Variants in ALMS1 observed in about 807,000 individuals in gnomAD.
The protein encoded by ALMS1 is centrosome-associated protein ALMS1.
A neutral mutation model predicts 352.2 loss-of-function variants in ALMS1; 271 were observed. That is an observed-to-expected ratio of 0.77 (90% CI 0.70 to 0.85). The LOEUF (loss-of-function observed/expected upper bound fraction) is 0.85, where lower values mean the gene tolerates loss of function less well. Ranked by LOEUF, ALMS1 falls within the 40% of genes least tolerant of loss-of-function variation. The pLI is 0.00. For synonymous variants in ALMS1, 1,865 were observed against 1,761.2 expected (o/e 1.06, Z -1.48); for missense variants, 5,445 against 4,870.7 (o/e 1.12, Z -3.51).
chr2:73,563,737 AAAATAAAAAT>A lies in ALMS1; in HGVS notation c.10384+4599_10384+4608del, dbSNP rs1455482925. 2.8e-4 allele frequency among the ~76,000 whole-genome samples: 36 copies of A among 129,424 alleles called. 1 individual carries two copies. Among genetic ancestry groups the A allele is most frequent in the African/African-American group, 9.9e-4 (30 of 30,380 alleles). The allele number at this position is 129,424 out of a possible 152,430, so 84.9% of individuals were successfully genotyped here. A position where few individuals can be genotyped will look rare whatever the true frequency, so the allele number is the denominator to read the frequency against. On this transcript the variant is annotated intron_variant, in intron 15 of 22. Coordinates refer to ENST00000613296, the MANE Select transcript of ALMS1 (RefSeq NM_001378454.1). ...GACTCCATCTCAAAAAAAAAAAAAA[AAAATAAAAAT>A]AAAAAATGAAGGTATGGAATTATAT...
intron 1 of ALMS1, among the ~76,000 whole-genome samples, chr2:73,396,970 AG>A (rs1186150016): frequency 6.6e-6 from 1 of 152,018 alleles, no homozygotes; most frequent in African/African-American, 2.4e-5. Flanking sequence ...AAATAGTTTG[AG>A]GGCAAGTTTT....
chr2:73,601,556 A>C, intron 19 of ALMS1, 120 bp downstream of exon 19: 2 of 1,461,742 alleles, frequency 1.4e-6, no homozygotes. Flanking sequence ...CTTTTCCAGC[A>C]CCTCCGCAGT....
rs563737446 is a variant in ALMS1 at position 73,422,688 on chromosome 2, C to G, written c.647-169C>G. Among the ~76,000 whole-genome samples the G allele has an allele frequency of 2.6e-5, 4 of 152,208 alleles. No individual in the cohort carries two copies. In the East Asian group the frequency reaches 7.7e-4, roughly 29 times the overall value. ...TGTGTGTTAAGCACCTGGACCTTGT[C>G]AGACTCTCAATAAATGGTAGCTGCT... On this transcript the variant is annotated intron_variant, in intron 3 of 22. Coordinates refer to ENST00000613296, the MANE Select transcript of ALMS1 (RefSeq NM_001378454.1).
rs1455775922 is a variant in ALMS1 at position 73,491,125 on chromosome 2, T to TCTTCCAAGTTGGATAGTGGAA, written c.9170_9190dup (p.Ser3057_Thr3063dup). ...TCATATAACTCTTTGTCCCAAGACT[T>TCTTCCAAGTTGGATAGTGGAA]CTTCCAAGTTGGATAGTGGAACTTT... On this transcript the variant is annotated inframe_insertion, in exon 10 of 23. Coordinates refer to ENST00000613296, the MANE Select transcript of ALMS1 (RefSeq NM_001378454.1). 3.7e-6 allele frequency: 6 copies of TCTTCCAAGTTGGATAGTGGAA among 1,614,084 alleles called. No homozygotes were observed. Among genetic ancestry groups the TCTTCCAAGTTGGATAGTGGAA allele is most frequent in the Non-Finnish European group, 5.1e-6 (6 of 1,180,030 alleles).
intron 12 of ALMS1, among the ~76,000 whole-genome samples, chr2:73,548,876 T>C (rs760671284): frequency 5.5e-4 from 83 of 152,098 alleles, no homozygotes; most frequent in Non-Finnish European, 9.9e-4. Context: ...AACTCCACCA[T>C]TGAGAGATTT....
At chr2:73,544,421 C>T (rs1044054762) in intron 12 of ALMS1, among the ~76,000 whole-genome samples, 2 of 151,924 alleles carry the variant, frequency 1.3e-5, no homozygotes, top group Admixed American at 6.6e-5. Flanking sequence ...TGTTAAATGA[C>T]GAGTTAATGG....
At chr2:73,566,984 C>G (rs1674814170) in intron 15 of ALMS1, among the ~76,000 whole-genome samples, 1 of 152,172 alleles carries the variant, frequency 6.6e-6, no homozygotes, top group African/African-American at 2.4e-5. Flanking sequence ...ACAGAGCTTC[C>G]ATGTCCTCTC....
intron 15 of ALMS1, among the ~76,000 whole-genome samples, chr2:73,561,536 T>C (rs1674662884): frequency 1.3e-5 from 2 of 152,118 alleles, no homozygotes; most frequent in Non-Finnish European, 2.9e-5. Flanking sequence ...GCTGAAATCA[T>C]AGAAACAGAA....
intron 13 of ALMS1, among the ~76,000 whole-genome samples, chr2:73,553,676 A>G (rs1336510224): frequency 3.9e-5 from 6 of 152,238 alleles, no homozygotes; most frequent in African/African-American, 7.2e-5. Flanking sequence ...AATACTAAAT[A>G]TAAACTTAAT....
At chr2:73,531,712 A>G (rs751424690) in intron 11 of ALMS1, among the ~76,000 whole-genome samples, 99 of 152,250 alleles carry the variant, frequency 6.5e-4, no homozygotes, top group Non-Finnish European at 1.2e-3. Flanking sequence ...CTGGTAATTT[A>G]TAAGTAAAAG....
chr2:73,539,452 C>A (rs539856706), intron 12 of ALMS1, among the ~76,000 whole-genome samples: 1 of 152,050 alleles, frequency 6.6e-6, no homozygotes, highest in Admixed American at 6.6e-5. Context: ...ACTGAAAATT[C>A]TAAAAATCGG....
chr2:73,451,832 T>C lies in ALMS1; in HGVS notation c.5305T>C (p.Tyr1769His). Reference protein sequence around the residue: ...YSHTEKPNISYQQELPDSHLT... With the variant: ...YSHTEKPNISHQQELPDSHLT... ...ACATACAGAGAAGCCTAATATTTCTTACCAGCAAGAGTTGCCAGATAGTCA... is the reference window on the plus strand; with the variant it reads ...ACATACAGAGAAGCCTAATATTTCTCACCAGCAAGAGTTGCCAGATAGTCA... Residue 1769 changes from tyrosine to histidine, a missense_variant, in exon 8 of 23, where the codon TAC (tyrosine) becomes CAC (histidine). Tyr to His is a moderately conservative substitution (Grantham distance 83, BLOSUM62 2). Transcript: ENST00000613296. The C allele has an allele frequency of 6.2e-7, 1 of 1,613,898 alleles. No homozygotes were observed.
At chr2:73,471,493 C>CAAAAAAAAAAAAA (rs58688820) in intron 9 of ALMS1, among the ~76,000 whole-genome samples, 1 of 113,660 alleles carries the variant, frequency 8.8e-6, no homozygotes, top group African/African-American at 3.8e-5. Flanking sequence ...ACTCAACAGC[C>CAAAAAAAAAAAAA]AAAAAAAAAA....
intron 1 of ALMS1, among the ~76,000 whole-genome samples, chr2:73,388,118 T>G (rs910944166): frequency 1.3e-5 from 2 of 152,150 alleles, no homozygotes; most frequent in Non-Finnish European, 2.9e-5. Context: ...GGGCTAGAGA[T>G]TTCAAGTTGT....
intron 9 of ALMS1, among the ~76,000 whole-genome samples, chr2:73,487,068 G>A (rs1558665456): frequency 2.0e-5 from 3 of 152,108 alleles, no homozygotes; most frequent in African/African-American, 7.2e-5. Flanking sequence ...GAAGAGAAAA[G>A]AAAGAAAAAT....
At chr2:73,512,479 A>G (rs997591894) in intron 10 of ALMS1, among the ~76,000 whole-genome samples, 11 of 151,954 alleles carry the variant, frequency 7.2e-5, no homozygotes, top group Admixed American at 5.9e-4. Context: ...ACTACTGACA[A>G]TGAACATTTT....
At chr2:73,420,196 T>C (rs531176833) in intron 3 of ALMS1, among the ~76,000 whole-genome samples, 1 of 152,274 alleles carries the variant, frequency 6.6e-6, no homozygotes, top group Non-Finnish European at 1.5e-5. Flanking sequence ...GTAACAAATA[T>C]CTAAGTGCCT....
chr2:73,534,720 C>G (rs2103991707), intron 11 of ALMS1, 104 bp from the exon 12 acceptor site: 1 of 1,275,524 alleles, frequency 7.8e-7, no homozygotes. Context: ...CTCATAAATT[C>G]CAAAAGTCAT....
chr2:73,601,593 G>T (rs1675690495), intron 19 of ALMS1, among the ~76,000 whole-genome samples, 157 bp downstream of exon 19: 3 of 152,214 alleles, frequency 2.0e-5, no homozygotes, highest in Admixed American at 6.5e-5. Flanking sequence ...ACGAGGGTTG[G>T]GTTTCTCATC....
Sources: gnomAD v4.1 joint callset for allele counts (sites outside exome capture counted in the v4.1 genomes callset) on GRCh38, gnomAD v4.1.1 for gene constraint, MANE v1.5 for transcripts, NCBI Gene and HGNC (gene_info 2026-07-23, HGNC 2026-07-21) for gene names.